Variants in CAST observed in about 807,000 individuals in gnomAD.
The protein encoded by CAST is MIR583 host.
In CAST, 76 loss-of-function variants were observed where a neutral mutation model predicts 119.6. The ratio of observed to expected loss-of-function variants is 0.64; its 90% CI spans 0.53 to 0.77. The LOEUF is 0.77. CAST is among the 30% of genes least tolerant of loss of function. The pLI is 0.00. For synonymous variants in CAST, 319 were observed against 331.6 expected (o/e 0.96, Z 0.41); for missense variants, 953 against 946.5 (o/e 1.01, Z -0.09).
chr5:96,566,765 A>G (rs1746476201), intron 1 of CAST, among the ~76,000 whole-genome samples: 1 of 152,254 alleles, frequency 6.6e-6, no homozygotes, highest in Non-Finnish European at 1.5e-5. Flanking sequence ...TACAGAAACC[A>G]GCACATTGAT....
At chr5:96,165,531 A>T in the CAST span, among the ~76,000 whole-genome samples, 1 of 152,234 alleles carries the variant, frequency 6.6e-6, no homozygotes, top group Non-Finnish European at 1.5e-5. Flanking sequence ...ACATACACAC[A>T]TAACTTTATT....
intron 3 of CAST, among the ~76,000 whole-genome samples, chr5:96,703,145 C>T (rs1041476684): frequency 5.9e-5 from 9 of 152,182 alleles, no homozygotes; most frequent in African/African-American, 2.2e-4. Flanking sequence ...TGTTACTGCC[C>T]CTTCCGCCGG....
At chr5:96,444,426 C>G in the CAST span, among the ~76,000 whole-genome samples, 2 of 152,214 alleles carry the variant, frequency 1.3e-5, no homozygotes, top group African/African-American at 4.8e-5. Flanking sequence ...ATTATTCTCT[C>G]ATTTTATCTC....
chr5:96,026,639 A>G, the CAST span, among the ~76,000 whole-genome samples: 7 of 152,226 alleles, frequency 4.6e-5, no homozygotes, highest in African/African-American at 1.4e-4. Flanking sequence ...AGAATGCTTC[A>G]GGGTCCAGGG....
chr5:96,203,603 C>T, the CAST span, among the ~76,000 whole-genome samples: 3 of 151,888 alleles, frequency 2.0e-5, no homozygotes, highest in Non-Finnish European at 4.4e-5. Context: ...CTGCTGTTCT[C>T]TTTATTTCAT....
At chr5:96,742,501 C>T (rs1277303599) in intron 15 of CAST, 154 bp from the exon 16 acceptor site, 2 of 607,542 alleles carry the variant, frequency 3.3e-6, no homozygotes, top group East Asian at 5.6e-5. Context: ...TCCTTTCTCT[C>T]TTTTGCAAGG....
At chr5:96,571,035 T>C (rs925479456) in intron 1 of CAST, among the ~76,000 whole-genome samples, 9 of 152,220 alleles carry the variant, frequency 5.9e-5, no homozygotes, top group African/African-American at 2.2e-4. Context: ...AGGAGCAGGA[T>C]GTAGCCAGCA....
At chr5:96,401,328 C>T in the CAST span, among the ~76,000 whole-genome samples, 2,543 of 152,128 alleles carry the variant, frequency 0.017, 32 homozygotes, top group Non-Finnish European at 0.027. Flanking sequence ...GCCACTGGAG[C>T]AAAAGCACCA....
At chr5:96,633,244 A>G (rs1580853875) in intron 1 of CAST, among the ~76,000 whole-genome samples, 1 of 152,106 alleles carries the variant, frequency 6.6e-6, no homozygotes, top group African/African-American at 2.4e-5. Context: ...CCCAAAGTGC[A>G]GGGATTACAG....
chr5:96,384,009 A>G, the CAST span, among the ~76,000 whole-genome samples: 2 of 152,126 alleles, frequency 1.3e-5, no homozygotes, highest in Non-Finnish European at 2.9e-5. Flanking sequence ...TCTGAAGCTC[A>G]TGGAACTGGA....
At chr5:96,014,601 G>T in the CAST span, among the ~76,000 whole-genome samples, 1 of 152,182 alleles carries the variant, frequency 6.6e-6, no homozygotes, top group African/African-American at 2.4e-5. Context: ...CACTATGATG[G>T]CTACATCATC....
chr5:96,342,602 C>A, the CAST span, among the ~76,000 whole-genome samples: 1 of 152,074 alleles, frequency 6.6e-6, no homozygotes. Context: ...AAGGACAGAC[C>A]CTAATTATAA....
chr5:96,430,670 C>T, the CAST span, among the ~76,000 whole-genome samples: 33 of 152,108 alleles, frequency 2.2e-4, no homozygotes, highest in Admixed American at 5.2e-4. Context: ...GAACCAGGAA[C>T]GTGCTATCAG....
the CAST span, among the ~76,000 whole-genome samples, chr5:96,168,634 T>A: frequency 6.6e-6 from 1 of 152,166 alleles, no homozygotes; most frequent in East Asian, 1.9e-4. Context: ...GGAACTGCCA[T>A]CAATAATCCA....
the CAST span, among the ~76,000 whole-genome samples, chr5:96,281,648 G>T: frequency 6.6e-6 from 1 of 152,138 alleles, no homozygotes; most frequent in Non-Finnish European, 1.5e-5. Flanking sequence ...CGGCCATGAT[G>T]TCCATGTCCC....
rs539140868 is a variant in CAST, at chr5:96,578,527, T to C, written c.60+48647T>C. Among the ~76,000 whole-genome samples the C allele has an allele frequency of 2.0e-5, 3 of 152,274 alleles. No homozygotes were observed. The South Asian group carries it at 6.2e-4, about 32-fold the overall frequency. On this transcript the variant is annotated intron_variant, in intron 1 of 11. Transcript: ENST00000505143. ...CTCTGTTTATCTTTTATTATCTTCCTATGGGTTACTTCAGAAAAAAAAATT... is the reference window on the plus strand; with the variant it reads ...CTCTGTTTATCTTTTATTATCTTCCCATGGGTTACTTCAGAAAAAAAAATT...
intron 31 of CAST, 135 bp downstream of exon 31, chr5:96,771,837 CA>C (rs1226181008): frequency 7.3e-5 from 39 of 536,316 alleles, no homozygotes; most frequent in African/African-American, 6.6e-4. Context: ...ATGCATACTG[CA>C]AGATCTACAG....
chr5:95,987,867 C>T, the CAST span, among the ~76,000 whole-genome samples: 1 of 152,190 alleles, frequency 6.6e-6, no homozygotes, highest in South Asian at 2.1e-4. Context: ...ATTGCACTAG[C>T]CACATTTAAA....
At chr5:96,181,696 T>C in the CAST span, among the ~76,000 whole-genome samples, 1 of 152,262 alleles carries the variant, frequency 6.6e-6, no homozygotes, top group Non-Finnish European at 1.5e-5. Context: ...ATATTTGGTT[T>C]ATGGTTATTT....
Sources: allele counts gnomAD v4.1 joint callset (sites outside exome capture counted in the v4.1 genomes callset), GRCh38; gene constraint gnomAD v4.1.1; transcripts MANE v1.5; gene names NCBI Gene and HGNC (gene_info 2026-07-23, HGNC 2026-07-21).